The following CARNMT1 variants were observed in gnomAD, a reference collection of about 807,000 sequenced individuals.
The protein encoded by CARNMT1 is protein-L-histidine N-pros-methyltransferase CARNMT1.
In CARNMT1, 28 loss-of-function variants were observed where a neutral mutation model predicts 49.6. The ratio of observed to expected loss-of-function variants is 0.56; its 90% CI spans 0.42 to 0.77. The LOEUF is 0.77. Among genes scored for constraint, CARNMT1 ranks in the 30% least tolerant of loss-of-function variants. The probability of loss-of-function intolerance (pLI) is 0.00; values close to 1 mark genes in which losing one functional copy is unlikely to be tolerated. For missense variants in CARNMT1, 421 were observed against 512.6 expected (o/e 0.82, Z 1.73); for synonymous variants, 178 against 175.0 (o/e 1.02, Z -0.13).
chr9:75,022,213 CTTTTTTTTT>C (rs35783706), intron 1 of CARNMT1, among the ~76,000 whole-genome samples: 58 of 77,010 alleles, frequency 7.5e-4, no homozygotes, highest in African/African-American at 2.4e-3. Flanking sequence ...AGAAGGAATA[CTTTTTTTTT>C]TTTTTTTTTT....
At chr9:75,027,124 C>A in intron 1 of CARNMT1, 1 of 1,304,110 alleles carries the variant, frequency 7.7e-7, no homozygotes, top group Non-Finnish European at 1.0e-6. Flanking sequence ...ACTCATATCT[C>A]TTACGTGAAT....
chr9:75,023,417 C>T (rs1187927225), intron 1 of CARNMT1, among the ~76,000 whole-genome samples: 2 of 152,098 alleles, frequency 1.3e-5, no homozygotes, highest in African/African-American at 4.8e-5. Context: ...TACTTATCAC[C>T]AAGTAATATC....
In CARNMT1 at chr9:74,998,644, G is replaced by A. The variant is rs1487130076; in HGVS notation, c.864C>T (p.Asn288=). 1.2e-6 allele frequency: 2 copies of A among 1,601,300 alleles called. No homozygotes were observed. The highest frequency in any genetic ancestry group is 3.5e-5 in the Admixed American group (2 of 57,168). ...GAAAATCTCCTGCTGTCATAGAAAAGTTAGAACCAGGAGGAAGACTGTGGG... is the reference window on the plus strand; with the variant it reads ...GAAAATCTCCTGCTGTCATAGAAAAATTAGAACCAGGAGGAAGACTGTGGG... ...VDPHSLPPGS[N]FSMTAGDFQE... Residue 288 remains asparagine, a synonymous_variant, in exon 5 of 8, where the codon AAC becomes AAT. Transcript: ENST00000376834.
intron 3 of CARNMT1, 83 bp from the exon 4 acceptor site, chr9:74,999,953 A>G: frequency 8.0e-7 from 1 of 1,242,558 alleles, no homozygotes; most frequent in Non-Finnish European, 1.1e-6. Context: ...CTAAAAACTT[A>G]CTCATTTACT....
intron 1 of CARNMT1, among the ~76,000 whole-genome samples, chr9:75,021,547 G>C (rs1822364669): frequency 6.6e-6 from 1 of 150,902 alleles, no homozygotes; most frequent in Non-Finnish European, 1.5e-5. Flanking sequence ...TTCAAAGCAT[G>C]AACAATGTAG....
intron 6 of CARNMT1, among the ~76,000 whole-genome samples, chr9:74,990,557 TAC>T (rs765258894): frequency 7.9e-5 from 12 of 152,352 alleles, no homozygotes; most frequent in Admixed American, 7.8e-4. Flanking sequence ...ACATGATTTT[TAC>T]AGACGGACAT....
chr9:74,995,702 G>A (rs1833167597), intron 6 of CARNMT1, among the ~76,000 whole-genome samples: 1 of 152,128 alleles, frequency 6.6e-6, no homozygotes, highest in South Asian at 2.1e-4. Context: ...TGTACGTTAT[G>A]TCCTTTTATG....
intron 6 of CARNMT1, among the ~76,000 whole-genome samples, chr9:74,988,438 T>C (rs1832915063): frequency 6.6e-6 from 1 of 152,226 alleles, no homozygotes; most frequent in African/African-American, 2.4e-5. Flanking sequence ...CATCTTATAC[T>C]TCATTAGGAA....
rs1587647958 is a variant in CARNMT1, at chr9:74,983,065, A to T, written c.*702T>A. The T allele has an allele frequency of 6.6e-6, 1 of 152,136 alleles. No individual in the cohort carries two copies. Among genetic ancestry groups the T allele is most frequent in the African/African-American group, 2.4e-5 (1 of 41,424 alleles). The allele number at this position is 152,136 out of a possible 1,614,324, so 9.4% of individuals were successfully genotyped here. On this transcript the variant is annotated 3_prime_UTR_variant, in exon 8 of 8. Transcript: ENST00000376834. ...CATCTGAGCCAGAAAATACAAAATT[A>T]AATTAATCTGAATGATAAAATAGAC...
At position 74,981,694 on chromosome 9, in the gene CARNMT1, T is replaced by C. The variant is rs1832696756; in HGVS notation, c.*2073A>G. The stretch of plus-strand genomic sequence containing the variant: ...GAAAACCTAATAGAAAAAAAATTAA[T>C]TAATAAAGCCAACCCACCAGTGTCA... On this transcript the variant is annotated 3_prime_UTR_variant, in exon 8 of 8. Coordinates refer to ENST00000376834, the MANE Select transcript of CARNMT1 (RefSeq NM_152420.3). 6.6e-6 allele frequency: 1 copy of C among 152,070 alleles called. No individual in the cohort carries two copies. The highest frequency in any genetic ancestry group is 2.4e-5 in the African/African-American group (1 of 41,434). The allele number at this position is 152,070 out of a possible 1,614,324, so 9.4% of individuals were successfully genotyped here. A position where few individuals can be genotyped will look rare whatever the true frequency, so the allele number is the denominator to read the frequency against.
chr9:74,999,676 A>G (rs1833297794), intron 4 of CARNMT1, 54 bp downstream of exon 4: 4 of 1,494,574 alleles, frequency 2.7e-6, no homozygotes, highest in Non-Finnish European at 3.6e-6. Context: ...GAAAATAGGT[A>G]AGTCAATCTG....
At chr9:75,025,511 A>C (rs149474318) in intron 1 of CARNMT1, among the ~76,000 whole-genome samples, 86 of 152,212 alleles carry the variant, frequency 5.7e-4, no homozygotes, top group African/African-American at 1.9e-3. Context: ...AAGTTTTGAT[A>C]AATTTTAACT....
intron 1 of CARNMT1, 100 bp downstream of exon 1, chr9:75,027,912 G>A (rs1262591598): frequency 1.1e-5 from 15 of 1,306,524 alleles, no homozygotes; most frequent in Non-Finnish European, 1.5e-5. Flanking sequence ...ACGCCTCGGA[G>A]GCGTGGCGGC....
intron 3 of CARNMT1, among the ~76,000 whole-genome samples, chr9:75,012,768 A>AT (rs1018581767): frequency 6.6e-6 from 1 of 150,440 alleles, no homozygotes; most frequent in African/African-American, 2.5e-5. Flanking sequence ...AAAAAAAAAA[A>AT]TTAGCCAGGC....
chr9:75,011,948 C>T (rs763532661), intron 3 of CARNMT1, among the ~76,000 whole-genome samples: 10 of 152,110 alleles, frequency 6.6e-5, no homozygotes, highest in South Asian at 6.2e-4. Context: ...AAACACAGCC[C>T]GGCAGACACG....
At chr9:75,025,125 T>G (rs1239027308) in intron 1 of CARNMT1, among the ~76,000 whole-genome samples, 5 of 152,236 alleles carry the variant, frequency 3.3e-5, no homozygotes, top group African/African-American at 4.8e-5. Context: ...CTATCTACAG[T>G]ACATATCAAA....
intron 6 of CARNMT1, among the ~76,000 whole-genome samples, chr9:74,985,655 C>CT (rs1292858433): frequency 6.6e-6 from 1 of 151,990 alleles, no homozygotes; most frequent in East Asian, 1.9e-4. Flanking sequence ...TCTGGGCTTA[C>CT]TGCAACCTCC....
intron 1 of CARNMT1, among the ~76,000 whole-genome samples, chr9:75,017,835 C>T (rs1300704894): frequency 6.6e-6 from 1 of 152,020 alleles, no homozygotes; most frequent in Non-Finnish European, 1.5e-5. Context: ...ATAATACACA[C>T]AAAATATGTC....
chr9:75,021,299 T>C (rs1490767560), intron 1 of CARNMT1, among the ~76,000 whole-genome samples: 1 of 131,886 alleles, frequency 7.6e-6, no homozygotes. Flanking sequence ...ATAGTATATA[T>C]ACTACTATAT....
Sources: allele counts gnomAD v4.1 joint callset (sites outside exome capture counted in the v4.1 genomes callset), GRCh38; gene constraint gnomAD v4.1.1; transcripts MANE v1.5; gene names NCBI Gene and HGNC (gene_info 2026-07-23, HGNC 2026-07-21).